NT5C1B: variants seen among roughly 807,000 people sequenced by gnomAD.
NT5C1B encodes the protein 5'-nucleotidase, cytosolic IB.
Under a neutral mutation model 57.8 loss-of-function variants are expected in NT5C1B, and 44 were observed. The observed-to-expected ratio is 0.76, with a 90% CI of 0.60 to 0.98. The LOEUF is 0.98. NT5C1B is among the 50% of genes least tolerant of loss of function. The probability of loss-of-function intolerance (pLI) is 0.00; values close to 1 mark genes in which losing one functional copy is unlikely to be tolerated. For missense variants in NT5C1B, 742 were observed against 719.5 expected (o/e 1.03, Z -0.36); for synonymous variants, 284 against 282.6 (o/e 1.00, Z -0.05).
At position 18,584,622 on chromosome 2, in the gene NT5C1B, G is replaced by A. The variant is rs1182030125; in HGVS notation, c.615C>T (p.Ser205=). The A allele has an allele frequency of 1.1e-5, 18 of 1,612,916 alleles. No homozygotes were observed. Among genetic ancestry groups the A allele is most frequent in the Non-Finnish European group, 1.4e-5 (17 of 1,179,594 alleles). Residue 205 remains serine (S), a synonymous_variant, in exon 4 of 9, where the codon TCC becomes TCT. Coordinates refer to ENST00000304081, the Ensembl canonical transcript of NT5C1B. The surrounding 1 kb of genome is among the most constrained non-coding windows in gnomAD (Gnocchi z 5.8). Reference sequence around the variant, plus strand: ...CCTCCCGCTGCTGCTGCTGCTGCTCGGACAGAGAGTTGCGGTCCAGCTGGG... The same window carrying A: ...CCTCCCGCTGCTGCTGCTGCTGCTCAGACAGAGAGTTGCGGTCCAGCTGGG...
At chr2:18,568,502 G>A (rs951260927) in intron 8 of NT5C1B, among the ~76,000 whole-genome samples, 1 of 152,112 alleles carries the variant, frequency 6.6e-6, no homozygotes, top group South Asian at 2.1e-4. Context: ...TCTACACAAA[G>A]AAAGGAAGAT....
At chr2:18,586,232 T>A (rs1399492922) in intron 3 of NT5C1B, 22 bp downstream of exon 3, 3 of 1,611,414 alleles carry the variant, frequency 1.9e-6, no homozygotes, top group Non-Finnish European at 2.5e-6. Flanking sequence ...CATCTACTAC[T>A]CCCTTTCATC....
At position 18,564,133 on chromosome 2, in the gene NT5C1B, A is replaced by G. The variant is rs1664423165; in HGVS notation, c.1330-14T>C. On this transcript the variant is annotated splice_polypyrimidine_tract_variant and intron_variant, in intron 8 of 8. Coordinates refer to ENST00000304081, the Ensembl canonical transcript of NT5C1B. ...TTTTAGGGGACCCTGTAAAAGGAAC[A>G]TATATCACAGCTGTGATACAGTGAG... 1.3e-6 allele frequency: 2 copies of G among 1,542,070 alleles called. No homozygotes were observed. Among genetic ancestry groups the G allele is most frequent in the Non-Finnish European group, 8.7e-7 (1 of 1,144,750 alleles).
At position 18,584,071 on chromosome 2, in the gene NT5C1B, G is replaced by T. The variant is rs768187504; in HGVS notation, c.891+17C>A. On this transcript the variant is annotated intron_variant, in intron 5 of 8. Transcript: ENST00000304081. This position sits in a 1 kb window ranked among gnomAD's most constrained non-coding sequence, Gnocchi z 5.8. ...CCATCGAGTGTCCTGGCGGGCCAAA[G>T]ACAGCTTGCAGAATACCTTGACGAA... 6.2e-7 allele frequency: 1 copy of T among 1,614,202 alleles called. No individual in the cohort carries two copies. The highest frequency in any genetic ancestry group is 1.3e-5 in the African/African-American group (1 of 75,048).
intron 3 of NT5C1B, chr2:18,585,194 TA>T (rs1666588826): frequency 3.8e-6 from 3 of 785,658 alleles, no homozygotes; most frequent in Non-Finnish European, 6.8e-6. Context: ...CATTCTCCCC[TA>T]GCTTCCCCAT....
rs192515332 is a variant in NT5C1B at position 18,576,412 on chromosome 2, G to A, written c.1145-44C>T. ...TGATTAATACTCTTCTCAGGTCCAT[G>A]AGTTATAGTTTCTACCATTAAAAAA... On this transcript the variant is annotated intron_variant, in intron 7 of 8. Coordinates refer to ENST00000304081, the Ensembl canonical transcript of NT5C1B. 4.6e-5 allele frequency: 73 copies of A among 1,570,350 alleles called. No individual in the cohort carries two copies. The East Asian group carries it at 1.6e-3, about 34-fold the overall frequency.
intron 6 of NT5C1B, among the ~76,000 whole-genome samples, chr2:18,577,413 ACT>A (rs1488747714): frequency 4.9e-5 from 6 of 123,690 alleles, no homozygotes; most frequent in African/African-American, 2.0e-4. Flanking sequence ...AAAGAGCAAG[ACT>A]CTGTCTCAAA....
chr2:18,582,911 A>G (rs773523368), exon 6 of NT5C1B: 32 of 1,613,934 alleles, frequency 2.0e-5, no homozygotes, highest in Non-Finnish European at 2.6e-5. Flanking sequence ...CCACTTGGGC[A>G]TGGTTATTAG....
intron 8 of NT5C1B, among the ~76,000 whole-genome samples, chr2:18,573,881 T>C (rs2148118548): frequency 6.6e-6 from 1 of 152,268 alleles, no homozygotes; most frequent in East Asian, 1.9e-4. Context: ...ATACTAGAAA[T>C]GTGTTGAGTA....
At chr2:18,574,894 T>C (rs1326387487) in intron 8 of NT5C1B, among the ~76,000 whole-genome samples, 1 of 152,034 alleles carries the variant, frequency 6.6e-6, no homozygotes, top group Non-Finnish European at 1.5e-5. Context: ...GTAGTGACAG[T>C]ATCATGAGTG....
intron 8 of NT5C1B, among the ~76,000 whole-genome samples, chr2:18,566,440 C>T (rs1664649110): frequency 1.3e-5 from 2 of 152,122 alleles, no homozygotes; most frequent in South Asian, 2.1e-4. Context: ...TTTGCTTTCT[C>T]ACGGTAAGAG....
chr2:18,581,155 T>C (rs1160564028), intron 6 of NT5C1B, among the ~76,000 whole-genome samples: 2 of 152,202 alleles, frequency 1.3e-5, no homozygotes, highest in East Asian at 3.8e-4. Flanking sequence ...AAGAGGTTTA[T>C]AAAATATGCA....
chr2:18,578,986 T>C (rs957280011), intron 6 of NT5C1B, among the ~76,000 whole-genome samples: 1 of 152,176 alleles, frequency 6.6e-6, no homozygotes, highest in Non-Finnish European at 1.5e-5. Flanking sequence ...AGCATTTCTA[T>C]ATACCAACAA....
intron 8 of NT5C1B, among the ~76,000 whole-genome samples, chr2:18,570,213 GAAAATTTAT>G (rs1665025556): frequency 6.6e-6 from 1 of 151,946 alleles, no homozygotes; most frequent in East Asian, 1.9e-4. Flanking sequence ...GTGTTTAGAG[GAAAATTTAT>G]AGCATTAAGT....
intron 8 of NT5C1B, among the ~76,000 whole-genome samples, chr2:18,574,845 A>C: frequency 6.6e-6 from 1 of 152,084 alleles, no homozygotes; most frequent in East Asian, 1.9e-4. Flanking sequence ...AAAATTTTAA[A>C]AGACAAGGAG....
At chr2:18,582,759 G>A in intron 6 of NT5C1B, 109 bp downstream of exon 6, 1 of 1,440,340 alleles carries the variant, frequency 6.9e-7, no homozygotes, top group Non-Finnish European at 9.3e-7. Flanking sequence ...AGAAGGGGGT[G>A]TCAGTATCAA....
At chr2:18,576,450 C>G in intron 7 of NT5C1B, 82 bp from the exon 8 acceptor site, 1 of 1,487,702 alleles carries the variant, frequency 6.7e-7, no homozygotes, top group South Asian at 1.4e-5. Flanking sequence ...CAAATTCTCC[C>G]AGACCTTATG....
At chr2:18,568,217 C>A (rs1558368245) in intron 8 of NT5C1B, among the ~76,000 whole-genome samples, 1 of 151,636 alleles carries the variant, frequency 6.6e-6, no homozygotes, top group Non-Finnish European at 1.5e-5. Context: ...ACCAAAGATA[C>A]AAAATTCATA....
intron 6 of NT5C1B, among the ~76,000 whole-genome samples, chr2:18,579,428 G>T (rs1258508246): frequency 6.6e-6 from 1 of 152,108 alleles, no homozygotes; most frequent in Admixed American, 6.6e-5. Context: ...CATGGTGCCG[G>T]TATAAAAACA....
Sources: gnomAD v4.1 joint callset for allele counts (sites outside exome capture counted in the v4.1 genomes callset) on GRCh38, gnomAD v4.1.1 for gene constraint, Gnocchi (gnomAD v3.1) non-coding constraint, MANE v1.5 for transcripts, NCBI Gene and HGNC (gene_info 2026-07-23, HGNC 2026-07-21) for gene names.